STT3B: variants seen among roughly 807,000 people sequenced by gnomAD.
STT3B encodes the protein STT3 oligosaccharyltransferase complex catalytic subunit B, also known as dolichyl-diphosphooligosaccharide--protein glycosyltransferase subunit STT3B.
Under a neutral mutation model 96.8 loss-of-function variants are expected in STT3B, and 29 were observed. The ratio of observed to expected loss-of-function variants is 0.30; its 90% CI spans 0.22 to 0.41. The LOEUF (loss-of-function observed/expected upper bound fraction) is 0.41, where lower values mean the gene tolerates loss of function less well. Among genes scored for constraint, STT3B ranks in the 10% least tolerant of loss-of-function variants. The pLI, the probability that STT3B is intolerant of heterozygous loss-of-function variation, is 1.00. For missense variants in STT3B, 640 were observed against 1,022.3 expected (o/e 0.63, Z 5.10); for synonymous variants, 367 against 360.0 (o/e 1.02, Z -0.22).
chr3:31,624,986 A>T lies in STT3B; in HGVS notation c.1800A>T (p.Arg600=), dbSNP rs1396687891. The T allele has an allele frequency of 3.7e-6, 6 of 1,613,874 alleles. No homozygotes were observed. The highest frequency in any genetic ancestry group is 5.1e-6 in the Non-Finnish European group (6 of 1,179,832). ...WLRQNTDEHA[R]VMSWWDYGYQ... Reference sequence around the variant, plus strand: ...GGCAAAATACAGATGAACATGCACGAGTAATGTCTTGGTGGGATTATGGCT... The same window carrying T: ...GGCAAAATACAGATGAACATGCACGTGTAATGTCTTGGTGGGATTATGGCT... The change falls in exon 12 of 16, where the codon CGA becomes CGT. Residue 600 remains arginine (R), a synonymous_variant. Coordinates refer to ENST00000295770, the MANE Select transcript of STT3B (RefSeq NM_178862.3).
intron 7 of STT3B, 62 bp downstream of exon 7, chr3:31,617,137 CAA>C: frequency 1.6e-6 from 2 of 1,278,462 alleles, no homozygotes; most frequent in Non-Finnish European, 2.1e-6. Context: ...GAAAAATAGC[CAA>C]AGTTTCTAAA....
intron 4 of STT3B, among the ~76,000 whole-genome samples, 161 bp from the exon 5 acceptor site, chr3:31,600,199 A>C (rs1698899197): frequency 6.6e-6 from 1 of 152,166 alleles, no homozygotes; most frequent in South Asian, 2.1e-4. Flanking sequence ...AATAAAAATG[A>C]GGAATACGTT....
At chr3:31,544,261 T>C (rs996698121) in intron 1 of STT3B, among the ~76,000 whole-genome samples, 1 of 152,202 alleles carries the variant, frequency 6.6e-6, no homozygotes, top group Admixed American at 6.5e-5. Flanking sequence ...TCATTTAAAC[T>C]TTCCCATAAG....
At chr3:31,627,370 A>G (rs1359610205) in intron 13 of STT3B, among the ~76,000 whole-genome samples, 2 of 152,202 alleles carry the variant, frequency 1.3e-5, no homozygotes, top group Non-Finnish European at 2.9e-5. Flanking sequence ...AGTTTCATCT[A>G]GAAACCAGCA....
intron 1 of STT3B, among the ~76,000 whole-genome samples, chr3:31,549,167 C>G (rs1697490148): frequency 6.6e-6 from 1 of 152,066 alleles, no homozygotes; most frequent in Non-Finnish European, 1.5e-5. Flanking sequence ...GATAATAAAA[C>G]TAGGACTGAC....
intron 3 of STT3B, among the ~76,000 whole-genome samples, chr3:31,583,173 C>T (rs780993563): frequency 2.0e-5 from 3 of 152,240 alleles, no homozygotes; most frequent in Non-Finnish European, 4.4e-5. Context: ...TTCTTCAATT[C>T]TGTCAAGTGT....
intron 3 of STT3B, among the ~76,000 whole-genome samples, chr3:31,596,297 C>G (rs1698791772): frequency 6.6e-6 from 1 of 151,994 alleles, no homozygotes; most frequent in Admixed American, 6.6e-5. Context: ...GAAGGAAACT[C>G]TATATGGTAT....
chr3:31,566,395 G>A (rs1698007044), intron 1 of STT3B, among the ~76,000 whole-genome samples: 1 of 152,134 alleles, frequency 6.6e-6, no homozygotes, highest in Non-Finnish European at 1.5e-5. Context: ...CTAATCATAT[G>A]TGTAGTGTCC....
At chr3:31,576,289 G>T in intron 1 of STT3B, 107 bp from the exon 2 acceptor site, 31 of 449,460 alleles carry the variant, frequency 6.9e-5, no homozygotes, top group East Asian at 9.0e-5. Flanking sequence ...TAAGTTTGAT[G>T]AAAACGCTCT....
At chr3:31,619,356 C>T (rs1272332730) in intron 8 of STT3B, among the ~76,000 whole-genome samples, 1 of 152,156 alleles carries the variant, frequency 6.6e-6, no homozygotes, top group Non-Finnish European at 1.5e-5. Flanking sequence ...CTCGTTGATG[C>T]AAACATGAAA....
intron 1 of STT3B, among the ~76,000 whole-genome samples, chr3:31,537,887 C>G (rs1444307083): frequency 6.6e-6 from 1 of 152,116 alleles, no homozygotes; most frequent in African/African-American, 2.4e-5. Flanking sequence ...TAGTATTCGT[C>G]TGTGCACACG....
chr3:31,576,284 T>C (rs1407326654), intron 1 of STT3B, 112 bp from the exon 2 acceptor site: 3 of 566,156 alleles, frequency 5.3e-6, no homozygotes, highest in Non-Finnish European at 9.0e-6. Flanking sequence ...TTATATAAGT[T>C]TGATGAAAAC....
intron 1 of STT3B, among the ~76,000 whole-genome samples, chr3:31,549,985 GA>G (rs1303988414): frequency 1.3e-5 from 2 of 151,478 alleles, no homozygotes; most frequent in Non-Finnish European, 2.9e-5. Context: ...TTTTTTTTCA[GA>G]TTTTTTTAGT....
At chr3:31,534,868 G>T (rs961002223) in intron 1 of STT3B, among the ~76,000 whole-genome samples, 1 of 152,156 alleles carries the variant, frequency 6.6e-6, no homozygotes, top group Non-Finnish European at 1.5e-5. Flanking sequence ...ATATGTTAGT[G>T]TAGACTATTT....
intron 5 of STT3B, among the ~76,000 whole-genome samples, chr3:31,601,329 A>G (rs181336429): frequency 2.6e-5 from 4 of 152,370 alleles, no homozygotes; most frequent in African/African-American, 9.6e-5. Context: ...ATGAAACCAT[A>G]AAATATGGTA....
At chr3:31,555,869 T>C (rs1697694814) in intron 1 of STT3B, among the ~76,000 whole-genome samples, 1 of 152,204 alleles carries the variant, frequency 6.6e-6, no homozygotes, top group Non-Finnish European at 1.5e-5. Flanking sequence ...GGTATCCATC[T>C]TGAGTATTTA....
chr3:31,585,639 T>C (rs558877808), intron 3 of STT3B, among the ~76,000 whole-genome samples: 1 of 152,068 alleles, frequency 6.6e-6, no homozygotes, highest in Non-Finnish European at 1.5e-5. Context: ...GTCTTCTCCC[T>C]ACCCCATTTC....
intron 5 of STT3B, among the ~76,000 whole-genome samples, chr3:31,601,686 ATAG>A (rs1474308580): frequency 6.6e-6 from 1 of 152,198 alleles, no homozygotes; most frequent in Non-Finnish European, 1.5e-5. Context: ...TTAGAATTAT[ATAG>A]TAGTGATGGT....
chr3:31,606,847 C>T (rs542527845), intron 5 of STT3B, among the ~76,000 whole-genome samples: 47 of 152,292 alleles, frequency 3.1e-4, no homozygotes, highest in Non-Finnish European at 6.2e-4. Context: ...AAGCTGCAGA[C>T]ACTCAATGCT....
Sources: gnomAD v4.1 joint callset for allele counts (sites outside exome capture counted in the v4.1 genomes callset) on GRCh38, gnomAD v4.1.1 for gene constraint, MANE v1.5 for transcripts, NCBI Gene and HGNC (gene_info 2026-07-23, HGNC 2026-07-21) for gene names.